SLC9A2: variants seen among roughly 807,000 people sequenced by gnomAD.
The protein encoded by SLC9A2 is sodium/hydrogen exchanger 2.
Under a neutral mutation model 71.7 loss-of-function variants are expected in SLC9A2, and 42 were observed. The ratio of observed to expected loss-of-function variants is 0.59; its 90% confidence interval spans 0.46 to 0.76. SLC9A2 has a LOEUF of 0.76. SLC9A2 is among the 30% of genes least tolerant of loss of function. SLC9A2 has a pLI of 0.00. For synonymous variants in SLC9A2, 396 were observed against 392.5 expected (o/e 1.01, Z -0.10); for missense variants, 829 against 1,017.4 (o/e 0.81, Z 2.52).
intron 1 of SLC9A2, among the ~76,000 whole-genome samples, chr2:102,639,539 C>T (rs1457417843): frequency 3.3e-5 from 5 of 152,162 alleles, no homozygotes; most frequent in Admixed American, 6.5e-5. Flanking sequence ...ATCCTTTCTC[C>T]GAGTTGGTTT....
chr2:102,670,619 A>C (rs1253984816), intron 3 of SLC9A2, among the ~76,000 whole-genome samples: 1 of 150,086 alleles, frequency 6.7e-6, no homozygotes, highest in Non-Finnish European at 1.5e-5. Context: ...AAAAAAAAAA[A>C]AAACAACCCC....
intron 6 of SLC9A2, among the ~76,000 whole-genome samples, 167 bp from the exon 7 acceptor site, chr2:102,694,876 A>G (rs1246201657): frequency 1.9e-5 from 2 of 108,074 alleles, no homozygotes; most frequent in African/African-American, 7.5e-5. Context: ...CAAACACTTC[A>G]TCAGTTTGTT....
chr2:102,683,364 A>G lies in SLC9A2; in HGVS notation c.1108A>G (p.Ser370Gly). 1 of 1,614,094 alleles carries G rather than the reference A, an allele frequency of 6.2e-7. No homozygotes were observed. Among genetic ancestry groups the G allele is most frequent in the Non-Finnish European group, 8.5e-7 (1 of 1,179,916 alleles). ...CTTCATGAAGATGCTGAGCAGTGTC[A>G]GCGAAACCTTGATCTTCATCTTCAT... The part of the protein sequence containing the change: ...KYFMKMLSSV[S>G]ETLIFIFMGV... The change falls in exon 4 of 12, where the codon AGC (serine) becomes GGC (glycine). Residue 370 changes from serine (S) to glycine (G), a missense_variant. Ser to Gly is a moderately conservative substitution (Grantham distance 56, BLOSUM62 0). Coordinates refer to ENST00000233969, the MANE Select transcript of SLC9A2 (RefSeq NM_003048.6).
At chr2:102,692,551 G>A (rs1430026186) in intron 5 of SLC9A2, among the ~76,000 whole-genome samples, 5 of 152,078 alleles carry the variant, frequency 3.3e-5, no homozygotes, top group Non-Finnish European at 7.4e-5. Context: ...CAAGAAACTT[G>A]GGAATCTTGA....
chr2:102,684,064 AATGAGTCT>A (rs1267034315), intron 4 of SLC9A2, 62 bp from the exon 5 acceptor site: 1 of 1,136,516 alleles, frequency 8.8e-7, no homozygotes, highest in East Asian at 2.3e-5. Flanking sequence ...AAGCACAGAA[AATGAGTCT>A]ATGTATTTTC....
chr2:102,690,117 CAT>C (rs1470137243), intron 5 of SLC9A2, among the ~76,000 whole-genome samples: 1 of 152,094 alleles, frequency 6.6e-6, no homozygotes, highest in East Asian at 1.9e-4. Flanking sequence ...AACCCTGAAA[CAT>C]AGCAATATTT....
At chr2:102,633,917 C>T (rs879935986) in intron 1 of SLC9A2, among the ~76,000 whole-genome samples, 11 of 152,140 alleles carry the variant, frequency 7.2e-5, no homozygotes, top group African/African-American at 1.9e-4. Flanking sequence ...CACATACACA[C>T]GTATTACACA....
At chr2:102,665,065 AG>A in intron 2 of SLC9A2, 34 bp from the exon 3 acceptor site, 2 of 1,585,750 alleles carry the variant, frequency 1.3e-6, no homozygotes, top group South Asian at 2.3e-5. Flanking sequence ...GAAATGGGAA[AG>A]GGTCTTGACA....
At chr2:102,683,237 T>C (rs772281764) in intron 3 of SLC9A2, 24 bp from the exon 4 acceptor site, 9 of 1,538,782 alleles carry the variant, frequency 5.8e-6, no homozygotes, top group African/African-American at 2.7e-5. Flanking sequence ...TAGGTTTCAA[T>C]AGAAGCTGAA....
At position 102,636,110 on chromosome 2, in the gene SLC9A2, G is replaced by A. The variant is rs533057095; in HGVS notation, c.289+15973G>A. On this transcript the variant is annotated intron_variant, in intron 1 of 11. Coordinates refer to ENST00000233969, the MANE Select transcript of SLC9A2 (RefSeq NM_003048.6). ...GATGACTGTAGAACTATATGGAACTGTAAGAATCTCCATGAATCTTTAAAA... is the reference window on the plus strand; with the variant it reads ...GATGACTGTAGAACTATATGGAACTATAAGAATCTCCATGAATCTTTAAAA... Among the ~76,000 whole-genome samples the A allele has an allele frequency of 2.6e-5, 4 of 152,272 alleles. No individual in the cohort carries two copies. In the East Asian group the frequency reaches 7.7e-4, roughly 29 times the overall value.
rs769517362 is a variant in SLC9A2, at chr2:102,657,796, G to A, written c.522G>A (p.Val174=). 8.1e-6 allele frequency: 13 copies of A among 1,614,050 alleles called. No individual in the cohort carries two copies. Among genetic ancestry groups the A allele is most frequent in the African/African-American group, 4.0e-5 (3 of 74,910 alleles). The change falls in exon 2 of 12, where the codon GTG becomes GTA. Residue 174 remains valine (V), a synonymous_variant. Coordinates refer to ENST00000233969, the MANE Select transcript of SLC9A2 (RefSeq NM_003048.6). The stretch of plus-strand genomic sequence containing the variant: ...TTGGCACGATTTTCTGGTATGCTGT[G>A]GTAGGGACACTTTGGAATTCCATTG... ...ENIGTIFWYA[V]VGTLWNSIGI... is the part of the protein sequence containing the mutation.
chr2:102,648,429 G>A (rs1051225555), intron 1 of SLC9A2, among the ~76,000 whole-genome samples: 5 of 152,040 alleles, frequency 3.3e-5, no homozygotes, highest in Admixed American at 6.6e-5. Context: ...TTTGAAAACC[G>A]GCACAAGACA....
intron 2 of SLC9A2, among the ~76,000 whole-genome samples, chr2:102,661,995 C>T (rs375785579): frequency 1.3e-5 from 2 of 152,190 alleles, no homozygotes; most frequent in Non-Finnish European, 2.9e-5. Context: ...AATTTTATCT[C>T]GTGCTGATCA....
In SLC9A2 at chr2:102,701,080, T is replaced by C; in HGVS notation, c.1597T>C (p.Phe533Leu). ...TTTCTTTATTTACAGGTTTAAGAAG[T>C]TTGATGATAAATATCTGCGGAAGCT... Reference protein sequence around the residue: ...HNFWRDKFKKFDDKYLRKLLI... With the variant: ...HNFWRDKFKKLDDKYLRKLLI... Residue 533 changes from phenylalanine to leucine, a missense_variant, in exon 8 of 12, where the codon TTT becomes CTT. Physicochemically the swap from Phe to Leu is conservative, Grantham distance 22 (BLOSUM62 0). This residue lies in a region of SLC9A2 where 500 missense variants were observed against 726.3 expected (regional missense o/e 0.69). Coordinates refer to ENST00000233969, the MANE Select transcript of SLC9A2 (RefSeq NM_003048.6). The C allele has an allele frequency of 6.3e-7, 1 of 1,599,548 alleles. No homozygotes were observed. Among genetic ancestry groups the C allele is most frequent in the Non-Finnish European group, 8.5e-7 (1 of 1,173,704 alleles).
In SLC9A2 at chr2:102,657,797, G is replaced by A; in HGVS notation, c.523G>A (p.Val175Ile). 2 of 1,614,180 alleles carry A rather than the reference G, an allele frequency of 1.2e-6. No individual in the cohort carries two copies. Among genetic ancestry groups the A allele is most frequent in the Non-Finnish European group, 1.7e-6 (2 of 1,180,036 alleles). ...NIGTIFWYAV[V>I]GTLWNSIGIG... ...TGGCACGATTTTCTGGTATGCTGTG[G>A]TAGGGACACTTTGGAATTCCATTGG... Residue 175 changes from valine (V) to isoleucine (I), a missense_variant, in exon 2 of 12, where the codon GTA becomes ATA. Coordinates refer to ENST00000233969, the MANE Select transcript of SLC9A2 (RefSeq NM_003048.6).
At chr2:102,693,792 C>G (rs1469186926) in intron 5 of SLC9A2, among the ~76,000 whole-genome samples, 1 of 152,162 alleles carries the variant, frequency 6.6e-6, no homozygotes, top group Non-Finnish European at 1.5e-5. Flanking sequence ...GTCCTAGAAC[C>G]CAGGTCCTTA....
At chr2:102,628,114 G>A (rs2104497806) in intron 1 of SLC9A2, among the ~76,000 whole-genome samples, 1 of 152,090 alleles carries the variant, frequency 6.6e-6, no homozygotes, top group East Asian at 1.9e-4. Context: ...GTACACTTAA[G>A]ACTCTGTCAC....
At chr2:102,702,359 C>G in intron 8 of SLC9A2, 47 bp from the exon 9 acceptor site, 2 of 1,030,758 alleles carry the variant, frequency 1.9e-6, no homozygotes, top group Non-Finnish European at 3.0e-6. Context: ...ATCAATGATT[C>G]TAATATTTGT....
chr2:102,657,517 A>T, intron 1 of SLC9A2, 47 bp from the exon 2 acceptor site: 1 of 1,360,160 alleles, frequency 7.4e-7, no homozygotes, highest in African/African-American at 1.5e-5. Flanking sequence ...CTGTCTCCCA[A>T]ATTCCTCCAT....
Sources: gnomAD v4.1 joint callset for allele counts (sites outside exome capture counted in the v4.1 genomes callset) on GRCh38, gnomAD v4.1.1 for gene constraint, gnomAD v4.1.1 regional missense constraint, MANE v1.5 for transcripts, NCBI Gene and HGNC (gene_info 2026-07-23, HGNC 2026-07-21) for gene names.